MCTP2: variants seen among roughly 807,000 people sequenced by gnomAD.
The protein encoded by MCTP2 is multiple C2 and transmembrane domain-containing protein 2.
A neutral mutation model predicts 111.6 loss-of-function variants in MCTP2; 132 were observed. The ratio of observed to expected loss-of-function variants is 1.18; its 90% CI spans 1.03 to 1.37. MCTP2 has a LOEUF of 1.37. Among genes scored for constraint, MCTP2 ranks in the 40% most tolerant of loss-of-function variants. The pLI, the probability that MCTP2 is intolerant of heterozygous loss-of-function variation, is 0.00. For missense variants in MCTP2, 1,183 were observed against 1,067.9 expected (o/e 1.11, Z -1.50); for synonymous variants, 395 against 387.7 (o/e 1.02, Z -0.22).
intron 19 of MCTP2, among the ~76,000 whole-genome samples, chr15:94,447,521 A>G (rs1462298000): frequency 1.3e-5 from 2 of 152,072 alleles, no homozygotes; most frequent in African/African-American, 2.4e-5. Flanking sequence ...CCGCCTCTGG[A>G]GTAGTTGAGA....
intron 2 of MCTP2, among the ~76,000 whole-genome samples, chr15:94,310,620 G>T (rs2076080749): frequency 6.6e-6 from 1 of 151,850 alleles, no homozygotes; most frequent in African/African-American, 2.4e-5. Flanking sequence ...GACAGTTATG[G>T]CAGCTGTGAG....
In MCTP2 at chr15:94,412,250, T is replaced by A. The variant is rs151153165; in HGVS notation, c.2085+10231T>A. On this transcript the variant is annotated intron_variant, in intron 17 of 22. Coordinates refer to ENST00000357742, the MANE Select transcript of MCTP2 (RefSeq NM_001385001.1). ...AACTTTGAAATTACGGTTTTAGTTC[T>A]TGAGTACAAACTGCATATACACAGG... is the stretch of plus-strand genomic sequence containing the variant. Among the ~76,000 whole-genome samples the A allele has an allele frequency of 1.5e-3, 234 of 152,296 alleles. 2 individuals are homozygous for A. Among genetic ancestry groups the A allele is most frequent in the African/African-American group, 4.9e-3 (205 of 41,580 alleles).
intron 17 of MCTP2, among the ~76,000 whole-genome samples, chr15:94,415,123 T>C (rs1411087911): frequency 6.6e-6 from 1 of 151,878 alleles, no homozygotes; most frequent in Admixed American, 6.6e-5. Flanking sequence ...ATTATGTGTC[T>C]GAGGTCTGAT....
intron 17 of MCTP2, among the ~76,000 whole-genome samples, chr15:94,403,763 C>T (rs1004276006): frequency 6.6e-6 from 1 of 152,136 alleles, no homozygotes; most frequent in Non-Finnish European, 1.5e-5. Context: ...GAGCAGAGCC[C>T]GCCCCCACGC....
chr15:94,472,796 T>A (rs1190573206), intron 21 of MCTP2, among the ~76,000 whole-genome samples: 1 of 152,226 alleles, frequency 6.6e-6, no homozygotes, highest in Non-Finnish European at 1.5e-5. Context: ...CATCCTAGAA[T>A]ATATTCTGTA....
intron 12 of MCTP2, among the ~76,000 whole-genome samples, chr15:94,379,052 G>A (rs1232879217): frequency 1.3e-5 from 2 of 151,122 alleles, no homozygotes. Context: ...GGCCTGAGAA[G>A]TTAGTTTTTT....
At chr15:94,233,457 A>G (rs2070331099) in intron 1 of MCTP2, among the ~76,000 whole-genome samples, 1 of 152,100 alleles carries the variant, frequency 6.6e-6, no homozygotes, top group African/African-American at 2.4e-5. Context: ...GTGCTTTACT[A>G]TGGTCTCCTC....
chr15:94,286,448 T>C (rs79509687), intron 1 of MCTP2, among the ~76,000 whole-genome samples: 3,418 of 152,236 alleles, frequency 0.022, 118 homozygotes, highest in African/African-American at 0.078. Context: ...TATCCAGTAA[T>C]GACACATTCT....
intron 2 of MCTP2, among the ~76,000 whole-genome samples, chr15:94,300,386 T>C (rs942881397): frequency 6.6e-6 from 1 of 151,718 alleles, no homozygotes; most frequent in African/African-American, 2.4e-5. Flanking sequence ...GGCGGGCACC[T>C]GTAGTCCCAG....
chr15:94,244,269 TAC>T (rs767301234), intron 1 of MCTP2, among the ~76,000 whole-genome samples: 36 of 144,900 alleles, frequency 2.5e-4, no homozygotes, highest in African/African-American at 5.9e-4. Flanking sequence ...TATATTTATA[TAC>T]ACACATATAT....
At chr15:94,262,424 T>G (rs554217574) in intron 1 of MCTP2, among the ~76,000 whole-genome samples, 1 of 152,354 alleles carries the variant, frequency 6.6e-6, no homozygotes, top group Non-Finnish European at 1.5e-5. Flanking sequence ...GGTCCATTTT[T>G]CAAAATCATG....
rs954228655 is a variant in MCTP2, at chr15:94,407,810, CACACACAT to C, written c.2085+5792_2085+5799del. Among the ~76,000 whole-genome samples the C allele has an allele frequency of 2.8e-4, 41 of 144,550 alleles. 1 individual carries two copies. The East Asian group carries it at 6.1e-3, about 21-fold the overall frequency. The allele number at this position is 144,550 out of a possible 152,430, so 94.8% of individuals were successfully genotyped here. ...ACACACACACACACACACACACACA[CACACACAT>C]GCATGAACACGAAGAAGCAGAGGAC... On this transcript the variant is annotated intron_variant, in intron 17 of 22. Transcript: ENST00000357742.
chr15:94,307,282 T>C (rs114556998), intron 2 of MCTP2, among the ~76,000 whole-genome samples: 1 of 151,138 alleles, frequency 6.6e-6, no homozygotes, highest in Non-Finnish European at 1.5e-5. Context: ...GGGGGGGAGG[T>C]GTTATCATTT....
intron 2 of MCTP2, among the ~76,000 whole-genome samples, chr15:94,304,270 T>C (rs1188389367): frequency 6.6e-6 from 1 of 152,156 alleles, no homozygotes; most frequent in Non-Finnish European, 1.5e-5. Context: ...GGTAAAATCC[T>C]GTCTCTACTA....
At chr15:94,268,537 G>A (rs547297005) in intron 1 of MCTP2, among the ~76,000 whole-genome samples, 2 of 151,966 alleles carry the variant, frequency 1.3e-5, no homozygotes, top group Admixed American at 1.3e-4. Flanking sequence ...TGTCCTTCTC[G>A]TTTTCTTGGG....
chr15:94,268,325 C>T (rs1031246156), intron 1 of MCTP2, among the ~76,000 whole-genome samples: 9 of 148,788 alleles, frequency 6.0e-5, no homozygotes, highest in Admixed American at 2.0e-4. Flanking sequence ...GGATTACAGG[C>T]GCCTACCACC....
At chr15:94,434,958 G>T (rs1437663790) in intron 17 of MCTP2, among the ~76,000 whole-genome samples, 1 of 151,522 alleles carries the variant, frequency 6.6e-6, no homozygotes, top group Non-Finnish European at 1.5e-5. Context: ...CCGCTCCTCG[G>T]GTTCAAGCGA....
intron 8 of MCTP2, among the ~76,000 whole-genome samples, chr15:94,349,724 G>A (rs2152416647): frequency 6.6e-6 from 1 of 151,670 alleles, no homozygotes; most frequent in East Asian, 1.9e-4. Flanking sequence ...GGAGGCTGAG[G>A]CAGGAGAATG....
At chr15:94,379,807 A>T (rs1339798239) in intron 12 of MCTP2, among the ~76,000 whole-genome samples, 1 of 140,464 alleles carries the variant, frequency 7.1e-6, no homozygotes, top group Non-Finnish European at 1.5e-5. Context: ...GTAATATATA[A>T]TTATATGACA....
Sources: allele counts gnomAD v4.1 joint callset (sites outside exome capture counted in the v4.1 genomes callset), GRCh38; gene constraint gnomAD v4.1.1; transcripts MANE v1.5; gene names NCBI Gene and HGNC (gene_info 2026-07-23, HGNC 2026-07-21).